SLCO5A1: variants seen among roughly 807,000 people sequenced by gnomAD.
The protein encoded by SLCO5A1 is solute carrier organic anion transporter family member 5A1.
In SLCO5A1, 39 loss-of-function variants were observed where a neutral mutation model predicts 65.1. That is an observed-to-expected ratio of 0.60 (90% CI 0.46 to 0.78). The LOEUF is 0.78. SLCO5A1 is among the 30% of genes least tolerant of loss of function. The probability of loss-of-function intolerance (pLI) is 0.00; values close to 1 mark genes in which losing one functional copy is unlikely to be tolerated. For synonymous variants in SLCO5A1, 438 were observed against 415.7 expected, an observed-to-expected ratio of 1.05 and a Z score of -0.65; for missense variants, 1,029 against 1,069.4, an observed-to-expected ratio of 0.96 and a Z score of 0.53.
chr8:69,831,741 T>C, intron 2 of SLCO5A1, 26 bp downstream of exon 2: 1 of 1,594,250 alleles, frequency 6.3e-7, no homozygotes, highest in Non-Finnish European at 8.5e-7. Context: ...GAGTGAAACA[T>C]ATCTGAGAGA....
chr8:69,729,031 G>C (rs949259891), intron 5 of SLCO5A1, among the ~76,000 whole-genome samples: 2 of 152,170 alleles, frequency 1.3e-5, no homozygotes, highest in Non-Finnish European at 2.9e-5. Flanking sequence ...TGGAAGGTAA[G>C]TGAGTCACCT....
intron 4 of SLCO5A1, among the ~76,000 whole-genome samples, chr8:69,740,715 G>C (rs1816756563): frequency 1.3e-5 from 2 of 152,114 alleles, no homozygotes; most frequent in South Asian, 4.1e-4. Context: ...TACAAGATAA[G>C]CCTAGAAAAT....
intron 2 of SLCO5A1, among the ~76,000 whole-genome samples, chr8:69,821,353 C>T (rs551491167): frequency 7.2e-4 from 108 of 149,558 alleles, no homozygotes; most frequent in Non-Finnish European, 1.1e-3. Context: ...AGTGAGACTC[C>T]GTCTCAAAAA....
chr8:69,809,679 TA>T (rs1563737059), intron 2 of SLCO5A1, among the ~76,000 whole-genome samples: 2 of 152,084 alleles, frequency 1.3e-5, no homozygotes, highest in Non-Finnish European at 2.9e-5. Context: ...TTATGATTAT[TA>T]TTATTATGCT....
chr8:69,690,341 T>C lies in SLCO5A1; in HGVS notation c.1623-7998A>G, dbSNP rs542877518. Reference sequence around the variant, plus strand: ...TTCTTCAATTTGACATTCAGAGCACTGGGCAGAAATCACATCGCGTCAACA... The same window carrying C: ...TTCTTCAATTTGACATTCAGAGCACCGGGCAGAAATCACATCGCGTCAACA... On this transcript the variant is annotated intron_variant, in intron 6 of 9. Coordinates refer to ENST00000260126, the MANE Select transcript of SLCO5A1 (RefSeq NM_030958.3). Among the ~76,000 whole-genome samples, 4 of 152,344 alleles carry C rather than the reference T, an allele frequency of 2.6e-5. No homozygotes were observed. The East Asian group carries it at 7.7e-4, about 29-fold the overall frequency.
At chr8:69,794,997 G>A (rs537676869) in intron 2 of SLCO5A1, among the ~76,000 whole-genome samples, 82 of 152,306 alleles carry the variant, frequency 5.4e-4, no homozygotes, top group South Asian at 1.5e-3. Flanking sequence ...TCACTATCAT[G>A]AGAACAGCAC....
At chr8:69,764,142 C>T (rs369243743) in intron 2 of SLCO5A1, among the ~76,000 whole-genome samples, 1 of 152,258 alleles carries the variant, frequency 6.6e-6, no homozygotes, top group African/African-American at 2.4e-5. Context: ...AGATTACAGA[C>T]GTGAGTCACC....
At position 69,682,177 on chromosome 8, in the gene SLCO5A1, T is replaced by C; in HGVS notation, c.1782+7A>G. ...TAACAGAAGAGGAACTTGTGAAATA[T>C]ACTCACCCCAGTGCTAAGATTACCA... On this transcript the variant is annotated splice_region_variant and intron_variant, in intron 7 of 9. Transcript: ENST00000260126. 1 of 1,602,540 alleles carries C rather than the reference T, an allele frequency of 6.2e-7. No individual in the cohort carries two copies. The highest frequency in any genetic ancestry group is 8.5e-7 in the Non-Finnish European group (1 of 1,175,640).
At chr8:69,828,341 G>T (rs1194518033) in intron 2 of SLCO5A1, among the ~76,000 whole-genome samples, 1 of 151,726 alleles carries the variant, frequency 6.6e-6, no homozygotes, top group Non-Finnish European at 1.5e-5. Flanking sequence ...AGTGGCTCAC[G>T]CCTGTAATCC....
chr8:69,800,245 ATTTTTTTTT>A (rs749384852), intron 2 of SLCO5A1, among the ~76,000 whole-genome samples: 4 of 81,302 alleles, frequency 4.9e-5, no homozygotes, highest in Non-Finnish European at 9.0e-5. Context: ...AGACGCTTGA[ATTTTTTTTT>A]TTTTTTTTTT....
In SLCO5A1 at chr8:69,670,148, C is replaced by A. The variant is rs1203861044; in HGVS notation, c.*2721G>T. On this transcript the variant is annotated 3_prime_UTR_variant, in exon 10 of 10. Transcript: ENST00000260126. ...AGGATATTGTATTTGCATATTAAAG[C>A]TAAATAATATATGAATTTACAGTTT... is the stretch of plus-strand genomic sequence containing the variant. 1.3e-5 allele frequency: 2 copies of A among 152,128 alleles called. No individual in the cohort carries two copies. The highest frequency in any genetic ancestry group is 4.8e-5 in the African/African-American group (2 of 41,412). 9.4% of individuals were successfully genotyped at this position (152,128 alleles called of 1,614,324 possible).
At chr8:69,695,791 G>A (rs1814473101) in intron 6 of SLCO5A1, among the ~76,000 whole-genome samples, 1 of 152,136 alleles carries the variant, frequency 6.6e-6, no homozygotes, top group Non-Finnish European at 1.5e-5. Flanking sequence ...ACAATACTGT[G>A]TTAGACAGAT....
chr8:69,754,713 AT>A (rs1396117729), intron 4 of SLCO5A1, among the ~76,000 whole-genome samples: 1 of 152,202 alleles, frequency 6.6e-6, no homozygotes, highest in African/African-American at 2.4e-5. Context: ...ATCACTTCAA[AT>A]TGTTTAGGTT....
intron 6 of SLCO5A1, among the ~76,000 whole-genome samples, chr8:69,682,723 T>C (rs1055815014): frequency 1.3e-5 from 2 of 152,192 alleles, no homozygotes; most frequent in South Asian, 4.1e-4. Context: ...AATTTCTTTA[T>C]AAAATGGAGA....
chr8:69,767,604 G>A (rs1279826550), intron 2 of SLCO5A1, among the ~76,000 whole-genome samples: 2 of 152,066 alleles, frequency 1.3e-5, no homozygotes, highest in East Asian at 3.9e-4. Context: ...AGAATAAGCT[G>A]TTTTAGGCCA....
intron 2 of SLCO5A1, among the ~76,000 whole-genome samples, chr8:69,802,163 G>A (rs1819770362): frequency 6.6e-6 from 1 of 152,038 alleles, no homozygotes; most frequent in Non-Finnish European, 1.5e-5. Flanking sequence ...TTAATAATGG[G>A]GATCAGCACG....
chr8:69,750,848 G>A (rs1163092639), intron 4 of SLCO5A1, among the ~76,000 whole-genome samples: 4 of 152,044 alleles, frequency 2.6e-5, no homozygotes, highest in Admixed American at 2.6e-4. Context: ...GCTCTTGGAG[G>A]GTAAACCATG....
At chr8:69,736,556 G>T (rs543232564) in intron 5 of SLCO5A1, among the ~76,000 whole-genome samples, 7 of 152,256 alleles carry the variant, frequency 4.6e-5, no homozygotes, top group Admixed American at 6.5e-5. Flanking sequence ...GTATCCTGGG[G>T]AACACTGTTT....
intron 2 of SLCO5A1, among the ~76,000 whole-genome samples, chr8:69,805,593 G>T (rs1408075924): frequency 1.3e-5 from 2 of 152,114 alleles, no homozygotes; most frequent in African/African-American, 4.8e-5. Flanking sequence ...TACTTTTATG[G>T]AATTCCAAAC....
Sources: gnomAD v4.1 joint callset for allele counts (sites outside exome capture counted in the v4.1 genomes callset) on GRCh38, gnomAD v4.1.1 for gene constraint, MANE v1.5 for transcripts, NCBI Gene and HGNC (gene_info 2026-07-23, HGNC 2026-07-21) for gene names.